Variants in LGSN observed in about 807,000 individuals in gnomAD.
LGSN encodes lengsin, lens protein with glutamine synthetase domain, also known as lengsin.
Under a neutral mutation model 19.5 loss-of-function variants are expected in LGSN, and 21 were observed. The ratio of observed to expected loss-of-function variants is 1.07; its 90% CI spans 0.76 to 1.55. The LOEUF (loss-of-function observed/expected upper bound fraction) is 1.55, where lower values mean the gene tolerates loss of function less well. Among genes scored for constraint, LGSN ranks in the 40% most tolerant of loss-of-function variants. The pLI is 0.00. For synonymous variants in LGSN, 257 were observed against 215.6 expected, an observed-to-expected ratio of 1.19 and a Z score of -1.68; for missense variants, 673 against 608.5, an observed-to-expected ratio of 1.11 and a Z score of -1.12.
chr6:63,303,283 T>C (rs1415154198), intron 1 of LGSN, among the ~76,000 whole-genome samples: 1 of 152,206 alleles, frequency 6.6e-6, no homozygotes, highest in East Asian at 1.9e-4. Flanking sequence ...TTTCTAGTTA[T>C]ATACAAGCTT....
chr6:63,420,391 C>G, the LGSN span, among the ~76,000 whole-genome samples: 1 of 152,170 alleles, frequency 6.6e-6, no homozygotes. Context: ...CCAGAGGAGT[C>G]AGCACTTTCT....
At chr6:63,292,710 A>G (rs1246100347) in intron 2 of LGSN, among the ~76,000 whole-genome samples, 3 of 152,212 alleles carry the variant, frequency 2.0e-5, no homozygotes, top group African/African-American at 7.2e-5. Context: ...CTCCACTAAG[A>G]AAGGACAAGT....
At chr6:63,441,600 G>A in the LGSN span, 11 of 458,832 alleles carry the variant, frequency 2.4e-5, no homozygotes, top group African/African-American at 1.8e-4. Flanking sequence ...AAAGCAGCGA[G>A]CTAAGGAAGC....
the LGSN span, among the ~76,000 whole-genome samples, chr6:63,404,574 C>T: frequency 6.6e-6 from 1 of 152,044 alleles, no homozygotes; most frequent in African/African-American, 2.4e-5. Context: ...GGACCACTTT[C>T]TTATAGATGG....
At chr6:63,375,060 C>T in the LGSN span, among the ~76,000 whole-genome samples, 1 of 152,124 alleles carries the variant, frequency 6.6e-6, no homozygotes, top group Non-Finnish European at 1.5e-5. Context: ...CTATAAGACT[C>T]TATTGTTATT....
At chr6:63,549,818 G>A in the LGSN span, among the ~76,000 whole-genome samples, 14 of 152,204 alleles carry the variant, frequency 9.2e-5, no homozygotes, top group African/African-American at 1.7e-4. Context: ...AAGGGTAGAG[G>A]GAAGAGGAAA....
chr6:63,432,184 A>AAAGAAAAGGAAAG, the LGSN span, among the ~76,000 whole-genome samples: 1 of 26,616 alleles, frequency 3.8e-5, no homozygotes, highest in Admixed American at 3.1e-4. Flanking sequence ...GGAAAGAAAG[A>AAAGAAAAGGAAAG]AAAGAAAAGA....
the LGSN span, among the ~76,000 whole-genome samples, chr6:63,491,889 C>A: frequency 1.3e-5 from 2 of 151,954 alleles, no homozygotes; most frequent in East Asian, 3.9e-4. Flanking sequence ...ATTAGCCGGG[C>A]GTAGTGGTGT....
the LGSN span, among the ~76,000 whole-genome samples, chr6:63,410,932 C>T: frequency 4.6e-3 from 695 of 152,190 alleles, 5 homozygotes; most frequent in Non-Finnish European, 5.9e-3. Context: ...TCCTAAGCAA[C>T]GAGGTTTGGC....
At chr6:63,372,678 G>T in the LGSN span, among the ~76,000 whole-genome samples, 2 of 152,028 alleles carry the variant, frequency 1.3e-5, no homozygotes, top group African/African-American at 4.8e-5. Flanking sequence ...GAATAAAATA[G>T]TAAGGACTAT....
rs1438576105 is a variant in LGSN at position 63,279,280 on chromosome 6, G to GTA, written c.*739_*740dup. On this transcript the variant is annotated 3_prime_UTR_variant, in exon 4 of 4. Transcript: ENST00000370657. ...AAACATCTTTCTATCTATACTTTGTGTATTGAACTTCTATATGAGGCATTG... is the reference window on the plus strand; with the variant it reads ...AAACATCTTTCTATCTATACTTTGTGTATATTGAACTTCTATATGAGGCATTG... The GTA allele has an allele frequency of 6.6e-6, 1 of 152,178 alleles. No homozygotes were observed. The highest frequency in any genetic ancestry group is 1.5e-5 in the Non-Finnish European group (1 of 68,044). 9.4% of individuals were successfully genotyped at this position (152,178 alleles called of 1,614,324 possible). A position where few individuals can be genotyped will look rare whatever the true frequency, so the allele number is the denominator to read the frequency against.
chr6:63,407,098 G>A, the LGSN span, among the ~76,000 whole-genome samples: 65 of 152,022 alleles, frequency 4.3e-4, no homozygotes, highest in African/African-American at 1.6e-3. Context: ...TCTACCAGAG[G>A]TACAAGGAGG....
chr6:63,355,119 T>C, the LGSN span, among the ~76,000 whole-genome samples: 17 of 152,178 alleles, frequency 1.1e-4, no homozygotes, highest in Non-Finnish European at 2.4e-4. Flanking sequence ...ACTTGAAATG[T>C]TCCCAACACA....
chr6:63,553,136 C>T, the LGSN span, among the ~76,000 whole-genome samples: 1 of 152,116 alleles, frequency 6.6e-6, no homozygotes, highest in African/African-American at 2.4e-5. Context: ...ACCAGTTTTT[C>T]CTCCAAAGTA....
rs536329875 is a variant in LGSN, at chr6:63,297,270, G to T, written c.31-2225C>A. Among the ~76,000 whole-genome samples the T allele has an allele frequency of 2.3e-3, 343 of 151,208 alleles. 1 individual carries two copies. The highest frequency in any genetic ancestry group is 0.014 in the South Asian group (66 of 4,780). ...CAGGAGAATTGCTTGAACCCAAGAG[G>T]CAGCCGAGGTTGCAGTGAGCCGAGA... is the stretch of plus-strand genomic sequence containing the variant. On this transcript the variant is annotated intron_variant, in intron 1 of 3. Coordinates refer to ENST00000370657, the MANE Select transcript of LGSN (RefSeq NM_016571.3).
At chr6:63,282,720 T>C (rs1463233758) in intron 3 of LGSN, among the ~76,000 whole-genome samples, 2 of 152,294 alleles carry the variant, frequency 1.3e-5, no homozygotes, top group East Asian at 1.9e-4. Context: ...AATAATAAAG[T>C]TGAGTGAGCC....
the LGSN span, among the ~76,000 whole-genome samples, chr6:63,515,440 A>G: frequency 6.6e-6 from 1 of 152,116 alleles, no homozygotes; most frequent in African/African-American, 2.4e-5. Flanking sequence ...CATGTTGGCC[A>G]GATTGGTCTC....
chr6:63,298,416 C>G (rs1768061069), intron 1 of LGSN, among the ~76,000 whole-genome samples: 1 of 152,166 alleles, frequency 6.6e-6, no homozygotes, highest in East Asian at 1.9e-4. Flanking sequence ...AGATGGCTGA[C>G]TGGTTAGACA....
the LGSN span, among the ~76,000 whole-genome samples, chr6:63,489,082 G>C: frequency 6.6e-6 from 1 of 152,086 alleles, no homozygotes; most frequent in Non-Finnish European, 1.5e-5. Flanking sequence ...ATAAAAAATT[G>C]ATATACTACT....
Sources: gnomAD v4.1 joint callset for allele counts (sites outside exome capture counted in the v4.1 genomes callset) on GRCh38, gnomAD v4.1.1 for gene constraint, MANE v1.5 for transcripts, NCBI Gene and HGNC (gene_info 2026-07-23, HGNC 2026-07-21) for gene names.